TSPAN9: variants seen among roughly 807,000 people sequenced by gnomAD.
TSPAN9 encodes tetraspanin-9.
In TSPAN9, 16 loss-of-function variants were observed where a neutral mutation model predicts 31.0. The observed-to-expected ratio is 0.52, with a 90% CI of 0.35 to 0.78. The LOEUF is 0.78. Among genes scored for constraint, TSPAN9 ranks in the 30% least tolerant of loss-of-function variants. The pLI, the probability that TSPAN9 is intolerant of heterozygous loss-of-function variation, is 0.01. For synonymous variants in TSPAN9, 145 were observed against 121.6 expected (o/e 1.19, Z -1.27); for missense variants, 272 against 312.5 (o/e 0.87, Z 0.98).
intron 3 of TSPAN9, chr12:3,272,768 A>T (rs533449857): frequency 6.6e-6 from 1 of 152,394 alleles, no homozygotes; most frequent in South Asian, 2.1e-4. Context: ...GAAGCTCAGG[A>T]CGGGGAAGCC....
intron 3 of TSPAN9, among the ~76,000 whole-genome samples, chr12:3,276,536 G>A (rs1591721218): frequency 6.6e-6 from 1 of 152,290 alleles, no homozygotes; most frequent in South Asian, 2.1e-4. Flanking sequence ...TCTTCCCCCA[G>A]ATAGTTATGT....
intron 2 of TSPAN9, among the ~76,000 whole-genome samples, chr12:3,144,539 C>G (rs1268511843): frequency 1.3e-5 from 2 of 152,208 alleles, no homozygotes; most frequent in African/African-American, 2.4e-5. Flanking sequence ...GGATCTTCCC[C>G]TAGAGGCTGC....
intron 2 of TSPAN9, among the ~76,000 whole-genome samples, chr12:3,151,803 C>G (rs960010574): frequency 6.6e-6 from 1 of 152,060 alleles, no homozygotes; most frequent in Non-Finnish European, 1.5e-5. Flanking sequence ...TGCGCCTGTA[C>G]TCCCAGCTAC....
At chr12:3,134,328 T>C (rs934301743) in intron 2 of TSPAN9, among the ~76,000 whole-genome samples, 1 of 152,228 alleles carries the variant, frequency 6.6e-6, no homozygotes, top group African/African-American at 2.4e-5. Context: ...TAAAGGTCAC[T>C]GGCACTTTAG....
chr12:3,091,019 T>C (rs985533802), intron 2 of TSPAN9, among the ~76,000 whole-genome samples: 2 of 152,248 alleles, frequency 1.3e-5, no homozygotes, highest in Admixed American at 1.3e-4. Context: ...TCCTGCCCTA[T>C]GGCTCTGAGA....
At chr12:3,199,105 C>T (rs2064687735) in intron 2 of TSPAN9, among the ~76,000 whole-genome samples, 1 of 152,234 alleles carries the variant, frequency 6.6e-6, no homozygotes, top group African/African-American at 2.4e-5. Context: ...CTTCGAGGGC[C>T]TGGCCCAGGG....
intron 2 of TSPAN9, among the ~76,000 whole-genome samples, chr12:3,148,638 C>T (rs1377939164): frequency 1.3e-5 from 2 of 152,216 alleles, no homozygotes; most frequent in Admixed American, 1.3e-4. Flanking sequence ...AATCCAGAGA[C>T]GACTGCCTGA....
At chr12:3,246,903 G>A (rs762403955) in intron 3 of TSPAN9, among the ~76,000 whole-genome samples, 2 of 152,230 alleles carry the variant, frequency 1.3e-5, no homozygotes, top group Non-Finnish European at 2.9e-5. Context: ...GACCAGGACC[G>A]TTCAGGGGAT....
At chr12:3,217,966 C>T (rs2098382223) in intron 3 of TSPAN9, among the ~76,000 whole-genome samples, 1 of 152,118 alleles carries the variant, frequency 6.6e-6, no homozygotes, top group African/African-American at 2.4e-5. Context: ...CAAGGAGCAA[C>T]TGAAACACTG....
chr12:3,087,135 T>C (rs2098300947), intron 2 of TSPAN9, among the ~76,000 whole-genome samples: 1 of 152,142 alleles, frequency 6.6e-6, no homozygotes, highest in Non-Finnish European at 1.5e-5. Context: ...TTGCCTTACA[T>C]GTGTGTTGGG....
At chr12:3,205,178 A>T (rs2098374315) in intron 3 of TSPAN9, among the ~76,000 whole-genome samples, 1 of 152,328 alleles carries the variant, frequency 6.6e-6, no homozygotes, top group Non-Finnish European at 1.5e-5. Flanking sequence ...GTCATTTTTC[A>T]TGCTTGCCAG....
intron 2 of TSPAN9, among the ~76,000 whole-genome samples, chr12:3,112,517 C>T (rs970449651): frequency 6.7e-6 from 1 of 149,926 alleles, no homozygotes; most frequent in Non-Finnish European, 1.5e-5. Flanking sequence ...TTATTTGGGT[C>T]TTCTTTTTTT....
At chr12:3,165,625 T>C (rs545576178) in intron 2 of TSPAN9, among the ~76,000 whole-genome samples, 35 of 152,280 alleles carry the variant, frequency 2.3e-4, no homozygotes, top group South Asian at 1.2e-3. Flanking sequence ...CAGAGAGAGT[T>C]GCTCGCAAAG....
In TSPAN9 at chr12:3,109,268, C is replaced by CTGTATGTG. The variant is rs1555141856; in HGVS notation, c.-18+25552_-18+25553insATGTGTGT. Among the ~76,000 whole-genome samples, 3 of 119,358 alleles carry CTGTATGTG rather than the reference C, an allele frequency of 2.5e-5. No homozygotes were observed. In the South Asian group the frequency reaches 9.2e-4, roughly 37 times the overall value. 78.3% of individuals were successfully genotyped at this position (119,358 alleles called of 152,430 possible). A position where few individuals can be genotyped will look rare whatever the true frequency, so the allele number is the denominator to read the frequency against. On this transcript the variant is annotated intron_variant, in intron 2 of 8. Coordinates refer to ENST00000011898, the MANE Select transcript of TSPAN9 (RefSeq NM_006675.5). ...AGGATTCTTTACTGTTTCATATAGTCTGTGTGTGTGTGTGTGTGTGTGTGT... is the reference window on the plus strand; with the variant it reads ...AGGATTCTTTACTGTTTCATATAGTCTGTATGTGTGTGTGTGTGTGTGTGTGTGTGTGT...
At chr12:3,210,226 A>G (rs1356233371) in intron 3 of TSPAN9, among the ~76,000 whole-genome samples, 4 of 152,124 alleles carry the variant, frequency 2.6e-5, no homozygotes, top group Non-Finnish European at 5.9e-5. Context: ...TAGGAGTGTA[A>G]TGGCACCGTG....
At chr12:3,123,416 G>C (rs773172979) in intron 2 of TSPAN9, among the ~76,000 whole-genome samples, 1 of 152,080 alleles carries the variant, frequency 6.6e-6, no homozygotes, top group African/African-American at 2.4e-5. Context: ...CCAGCTGCCC[G>C]CCTGCCGTCC....
intron 2 of TSPAN9, among the ~76,000 whole-genome samples, chr12:3,131,573 G>A (rs966077900): frequency 5.3e-5 from 8 of 152,150 alleles, no homozygotes; most frequent in African/African-American, 9.7e-5. Context: ...TGGCCTGACC[G>A]TGGCAGGTGT....
chr12:3,272,849 G>A (rs1205602716), intron 3 of TSPAN9: 1 of 152,240 alleles, frequency 6.6e-6, no homozygotes, highest in Non-Finnish European at 1.5e-5. Flanking sequence ...AACGACACGT[G>A]GCAGAAGCCT....
intron 3 of TSPAN9, among the ~76,000 whole-genome samples, chr12:3,250,959 C>G (rs1000765770): frequency 5.3e-5 from 8 of 152,248 alleles, no homozygotes; most frequent in African/African-American, 1.9e-4. Context: ...CATGCACTCT[C>G]TCTTCTCCTT....
Sources: gnomAD v4.1 joint callset for allele counts (sites outside exome capture counted in the v4.1 genomes callset) on GRCh38, gnomAD v4.1.1 for gene constraint, MANE v1.5 for transcripts, NCBI Gene and HGNC (gene_info 2026-07-23, HGNC 2026-07-21) for gene names.